Variants in PTPN23 observed in about 807,000 individuals in gnomAD.
PTPN23 encodes the protein protein tyrosine phosphatase non-receptor type 23.
In PTPN23, 72 loss-of-function variants were observed where a neutral mutation model predicts 156.3. That is an observed-to-expected ratio of 0.46 (90% CI 0.38 to 0.56). PTPN23 has a LOEUF of 0.56. Ranked by LOEUF, PTPN23 falls within the 20% of genes least tolerant of loss-of-function variation. The pLI, the probability that PTPN23 is intolerant of heterozygous loss-of-function variation, is 0.00. For synonymous variants in PTPN23, 957 were observed against 899.6 expected (o/e 1.06, Z -1.14); for missense variants, 1,974 against 2,171.5 (o/e 0.91, Z 1.81).
In PTPN23 at chr3:47,412,727, C is replaced by G. The variant is rs752790350; in HGVS notation, c.4453C>G (p.Gln1485Glu). Residue 1485 changes from glutamine (Q) to glutamate (E), a missense_variant, in exon 25 of 25, where the codon CAG becomes GAG. Around this residue, in one of 4 missense-constraint regions of PTPN23, gnomAD observed 484 missense variants for 516.0 expected, o/e 0.94. Transcript: ENST00000265562. Reference protein sequence around the residue: ...SQKNHLPQDSQDLVLGGDVPI... With the variant: ...SQKNHLPQDSEDLVLGGDVPI... ...TCAGAACCACCTTCCTCAGGACTCC[C>G]AGGACCTGGTCCTCGGTGGGGATGT... 1 of 1,601,538 alleles carries G rather than the reference C, an allele frequency of 6.2e-7. No individual in the cohort carries two copies. Among genetic ancestry groups the G allele is most frequent in the Non-Finnish European group, 8.5e-7 (1 of 1,171,736 alleles).
At position 47,411,137 on chromosome 3, in the gene PTPN23, C is replaced by T. The variant is rs1301429612; in HGVS notation, c.3339C>T (p.Gly1113=). Reference sequence around the variant, plus strand: ...AACCACCCCCTTGCCTGCGCCGAGGCGCCGCAGCTGCAGACCTGCTCTCCT... The same window carrying T: ...AACCACCCCCTTGCCTGCGCCGAGGTGCCGCAGCTGCAGACCTGCTCTCCT... ...AAEPPPCLRR[G]AAAADLLSSS... Residue 1113 remains glycine (G), a synonymous_variant, in exon 20 of 25, where the codon GGC becomes GGT. Coordinates refer to ENST00000265562, the MANE Select transcript of PTPN23 (RefSeq NM_015466.4). This position sits in a 1 kb window ranked among gnomAD's most constrained non-coding sequence, Gnocchi z 6.3. 6.2e-6 allele frequency: 10 copies of T among 1,600,552 alleles called. No individual in the cohort carries two copies. The highest frequency in any genetic ancestry group is 1.7e-5 in the Admixed American group (1 of 58,586).
At chr3:47,408,530 G>C in intron 15 of PTPN23, 40 bp downstream of exon 15, 1 of 1,585,170 alleles carries the variant, frequency 6.3e-7, no homozygotes, top group Admixed American at 1.7e-5. Context: ...AGGGAGTGTG[G>C]AGGTCATCTG....
In PTPN23 at chr3:47,412,742, G is replaced by A. The variant is rs111678754; in HGVS notation, c.4468G>A (p.Gly1490Ser). The A allele has an allele frequency of 1.8e-5, 29 of 1,603,696 alleles. 1 individual carries two copies. In the East Asian group the frequency reaches 3.4e-4, roughly 19 times the overall value. Residue 1490 changes from glycine (G) to serine (S), a missense_variant, in exon 25 of 25, where the codon GGT becomes AGT. This residue lies in a region of PTPN23 where 484 missense variants were observed against 516.0 expected (regional missense o/e 0.94). Transcript: ENST00000265562. ...TCAGGACTCCCAGGACCTGGTCCTCGGTGGGGATGTGCCCATCAGCTCCAT... is the reference window on the plus strand; with the variant it reads ...TCAGGACTCCCAGGACCTGGTCCTCAGTGGGGATGTGCCCATCAGCTCCAT... ...LPQDSQDLVL[G>S]GDVPISSIQA...
chr3:47,398,619 G>A (rs1379414686), intron 2 of PTPN23, among the ~76,000 whole-genome samples: 2 of 150,690 alleles, frequency 1.3e-5, no homozygotes, highest in Non-Finnish European at 2.9e-5. Context: ...AGGCAGGAGT[G>A]CAGTGGCACA....
At position 47,406,094 on chromosome 3, in the gene PTPN23, T is replaced by TGGCCAGGGAGGGGGC; in HGVS notation, c.546+49_546+63dup. The TGGCCAGGGAGGGGGC allele has an allele frequency of 6.3e-7, 1 of 1,598,164 alleles. No individual in the cohort carries two copies. The highest frequency in any genetic ancestry group is 8.5e-7 in the Non-Finnish European group (1 of 1,173,130). On this transcript the variant is annotated intron_variant, in intron 6 of 24. Transcript: ENST00000265562. This position sits in a 1 kb window ranked among gnomAD's most constrained non-coding sequence, Gnocchi z 5.8. ...GTGGAGTTGAATCCAGGGAAGGGGA[T>TGGCCAGGGAGGGGGC]GGCCAGGGAGGGGGCAGTTGGGCCT... is the stretch of plus-strand genomic sequence containing the variant.
At position 47,413,270 on chromosome 3, in the gene PTPN23, C is replaced by A; in HGVS notation, c.*85C>A. ...ACACCCAGCAGAGCTTCTCAGTGGGCACAGTCTCTTACTCCCATTTCTGCT... is the reference window on the plus strand; with the variant it reads ...ACACCCAGCAGAGCTTCTCAGTGGGAACAGTCTCTTACTCCCATTTCTGCT... On this transcript the variant is annotated 3_prime_UTR_variant, in exon 25 of 25. Coordinates refer to ENST00000265562, the MANE Select transcript of PTPN23 (RefSeq NM_015466.4). 6.0e-6 allele frequency: 9 copies of A among 1,509,524 alleles called. No homozygotes were observed. The highest frequency in any genetic ancestry group is 8.1e-6 in the Non-Finnish European group (9 of 1,115,270). 93.5% of individuals were successfully genotyped at this position (1,509,524 alleles called of 1,614,324 possible). A position where few individuals can be genotyped will look rare whatever the true frequency, so the allele number is the denominator to read the frequency against.
In PTPN23 at chr3:47,412,892, A is replaced by G. The variant is rs111852098; in HGVS notation, c.4618A>G (p.Ile1540Val). ...PPASLPESTP[I>V]PSSSPPPLSS... ...AGCCAGCCTCCCAGAGTCTACCCCA[A>G]TCCCATCTTCCTCCCCGCCCCCCCT... The change falls in exon 25 of 25, where the codon ATC (isoleucine) becomes GTC (valine). Residue 1540 changes from isoleucine (I) to valine (V), a missense_variant. Ile to Val is a conservative substitution (Grantham distance 29, BLOSUM62 3). Coordinates refer to ENST00000265562, the MANE Select transcript of PTPN23 (RefSeq NM_015466.4). The G allele has an allele frequency of 2.1e-4, 345 of 1,609,380 alleles. 1 individual carries two copies. The African/African-American group carries it at 4.1e-3, about 19-fold the overall frequency.
rs778133472 is a variant in PTPN23, at chr3:47,410,244, G to A, written c.2446G>A (p.Ala816Thr). The A allele has an allele frequency of 6.2e-7, 1 of 1,611,176 alleles. No individual in the cohort carries two copies. ...RAPGPHAMPV[A>T]PGPALYPAPA... ...CCCAGGGCCCCATGCAATGCCCGTAGCACCTGGGCCTGCCCTCTACCCAGC... is the reference window on the plus strand; with the variant it reads ...CCCAGGGCCCCATGCAATGCCCGTAACACCTGGGCCTGCCCTCTACCCAGC... Residue 816 changes from alanine to threonine, a missense_variant, in exon 20 of 25, where the codon GCA (alanine) becomes ACA (threonine). Transcript: ENST00000265562.
intron 1 of PTPN23, among the ~76,000 whole-genome samples, chr3:47,390,612 A>G (rs536377387): frequency 6.6e-6 from 1 of 152,280 alleles, no homozygotes; most frequent in Non-Finnish European, 1.5e-5. Context: ...CGAAATGGGG[A>G]CAAGGTCTCT....
chr3:47,393,033 G>A (rs1312437834), intron 1 of PTPN23, among the ~76,000 whole-genome samples: 1 of 151,996 alleles, frequency 6.6e-6, no homozygotes, highest in East Asian at 1.9e-4. Context: ...GGGATTTATT[G>A]TTATGTTGCC....
rs1447821561 is a variant in PTPN23, at chr3:47,413,276, C to CTCTT, written c.*92_*95dup. The CTCTT allele has an allele frequency of 1.7e-5, 25 of 1,489,896 alleles. No individual in the cohort carries two copies. The highest frequency in any genetic ancestry group is 2.6e-5 in the South Asian group (2 of 77,070). 92.3% of individuals were successfully genotyped at this position (1,489,896 alleles called of 1,614,324 possible). ...AGCAGAGCTTCTCAGTGGGCACAGT[C>CTCTT]TCTTACTCCCATTTCTGCTGCCTTT... On this transcript the variant is annotated 3_prime_UTR_variant, in exon 25 of 25. Coordinates refer to ENST00000265562, the MANE Select transcript of PTPN23 (RefSeq NM_015466.4).
In PTPN23 at chr3:47,408,948, C is replaced by A; in HGVS notation, c.1503C>A (p.Tyr501Ter). 6.2e-7 allele frequency: 1 copy of A among 1,614,234 alleles called. No individual in the cohort carries two copies. The highest frequency in any genetic ancestry group is 8.5e-7 in the Non-Finnish European group (1 of 1,180,038). The change falls in exon 16 of 25, where the codon TAC (tyrosine) becomes TAA (stop). Residue 501 changes from tyrosine to a stop codon, truncating the protein, a stop_gained. Coordinates refer to ENST00000265562, the MANE Select transcript of PTPN23 (RefSeq NM_015466.4). LOFTEE classifies it high-confidence loss of function. ...AGGTGAGGCGAGAATGGGCCAAGTA[C>A]ATGGAAGTCCATGAGAAGGCCTCCT... Reference protein sequence around the residue: ...LAEVRREWAKYMEVHEKASFT... With the variant: ...LAEVRREWAK
chr3:47,406,682 G>A lies in PTPN23; in HGVS notation c.760-21G>A. On this transcript the variant is annotated intron_variant, in intron 8 of 24. Transcript: ENST00000265562. This position sits in a 1 kb window ranked among gnomAD's most constrained non-coding sequence, Gnocchi z 5.8. ...GCCACAGCTCAGGAAGCAAGTCGTG[G>A]CGTCTCTTCTTCTTTCCCAGCTGCA... 5 of 1,614,014 alleles carry A rather than the reference G, an allele frequency of 3.1e-6. No homozygotes were observed. Among genetic ancestry groups the A allele is most frequent in the South Asian group, 2.2e-5 (2 of 91,078 alleles).
chr3:47,406,378 C>T lies in PTPN23; in HGVS notation c.600C>T (p.Ser200=), dbSNP rs1356879786. The part of the protein sequence containing the change: ...LEKSMLDNRK[S]FLVARISAQV... ...AGTCGATGTTGGACAACAGGAAGAG[C>T]TTTCTGGTGGCCCGCATCAGTGCAC... The change falls in exon 7 of 25, where the codon AGC becomes AGT. Residue 200 remains serine, a synonymous_variant. Transcript: ENST00000265562. This position sits in a 1 kb window ranked among gnomAD's most constrained non-coding sequence, Gnocchi z 5.8. 3 of 1,613,796 alleles carry T rather than the reference C, an allele frequency of 1.9e-6. No individual in the cohort carries two copies. The African/African-American group carries it at 4.0e-5, about 22-fold the overall frequency.
intron 1 of PTPN23, among the ~76,000 whole-genome samples, chr3:47,389,514 G>T (rs981702834): frequency 4.6e-5 from 7 of 152,154 alleles, no homozygotes; most frequent in African/African-American, 1.4e-4. Context: ...CAGCACTTTG[G>T]GAGGCCAAGG....
In PTPN23 at chr3:47,405,446, G is replaced by C. The variant is rs1705099459; in HGVS notation, c.365-303G>C. The C allele has an allele frequency of 3.7e-6, 2 of 541,564 alleles. No homozygotes were observed. The highest frequency in any genetic ancestry group is 1.9e-5 in the African/African-American group (1 of 52,616). 33.5% of individuals were successfully genotyped at this position (541,564 alleles called of 1,614,324 possible). On this transcript the variant is annotated intron_variant, in intron 4 of 24. Transcript: ENST00000265562. The surrounding 1 kb of genome is among the most constrained non-coding windows in gnomAD (Gnocchi z 4.7). ...CAGCTTACCCTGCTAGTCAGCCTTAGCCTGGCTCAAGGGAGAAGCTTGGGG... is the reference window on the plus strand; with the variant it reads ...CAGCTTACCCTGCTAGTCAGCCTTACCCTGGCTCAAGGGAGAAGCTTGGGG...
intron 2 of PTPN23, among the ~76,000 whole-genome samples, chr3:47,403,304 G>A (rs1343003689): frequency 6.6e-6 from 1 of 151,914 alleles, no homozygotes. Context: ...CTCCCGCCTC[G>A]GCCTCCGAAA....
intron 1 of PTPN23, among the ~76,000 whole-genome samples, chr3:47,390,353 G>A (rs1469011991): frequency 6.6e-6 from 1 of 151,170 alleles, no homozygotes; most frequent in Non-Finnish European, 1.5e-5. Context: ...ATCCCTGGAC[G>A]TGCCCTCACT....
rs1401060703 is a variant in PTPN23, at chr3:47,407,611, A to C, written c.1003+27A>C. Reference sequence around the variant, plus strand: ...TCGGGGAGCTGAGAGGTGGGGGCAGAGGTGACGGTGGGGTGGGGACAGGAC... The same window carrying C: ...TCGGGGAGCTGAGAGGTGGGGGCAGCGGTGACGGTGGGGTGGGGACAGGAC... On this transcript the variant is annotated intron_variant, in intron 12 of 24. Transcript: ENST00000265562. The surrounding 1 kb of genome is among the most constrained non-coding windows in gnomAD (Gnocchi z 4.0). 1.2e-6 allele frequency: 2 copies of C among 1,605,560 alleles called. No individual in the cohort carries two copies. Among genetic ancestry groups the C allele is most frequent in the South Asian group, 1.1e-5 (1 of 90,912 alleles).
Sources: gnomAD v4.1 joint callset for allele counts (sites outside exome capture counted in the v4.1 genomes callset) on GRCh38, gnomAD v4.1.1 for gene constraint, gnomAD v4.1.1 regional missense constraint, Gnocchi (gnomAD v3.1) non-coding constraint, MANE v1.5 for transcripts, NCBI Gene and HGNC (gene_info 2026-07-23, HGNC 2026-07-21) for gene names.